Variants in NCAPG2 observed in about 807,000 individuals in gnomAD.
The protein encoded by NCAPG2 is condensin-2 complex subunit G2.
Under a neutral mutation model 141.1 loss-of-function variants are expected in NCAPG2, and 53 were observed. The observed-to-expected ratio is 0.38, with a 90% CI of 0.30 to 0.47. NCAPG2 has a LOEUF of 0.47. Ranked by LOEUF, NCAPG2 falls within the 20% of genes least tolerant of loss-of-function variation. The pLI is 0.99. For missense variants in NCAPG2, 1,087 were observed against 1,389.0 expected (o/e 0.78, Z 3.46); for synonymous variants, 499 against 490.7 (o/e 1.02, Z -0.22).
intron 8 of NCAPG2, among the ~76,000 whole-genome samples, chr7:158,684,945 A>G (rs1834665713): frequency 6.6e-6 from 1 of 152,242 alleles, no homozygotes; most frequent in Non-Finnish European, 1.5e-5. Context: ...AAGTAAACCC[A>G]GACATGGGGC....
chr7:158,687,575 GA>G, intron 6 of NCAPG2, 133 bp from the exon 7 acceptor site: 1 of 654,716 alleles, frequency 1.5e-6, no homozygotes, highest in East Asian at 2.9e-5. Context: ...TTATCACTGA[GA>G]GCACATGCAC....
chr7:158,631,281 G>A lies in NCAPG2; in HGVS notation c.*385C>T, dbSNP rs1829882186. 3 of 209,924 alleles carry A rather than the reference G, an allele frequency of 1.4e-5. No homozygotes were observed. The highest frequency in any genetic ancestry group is 8.3e-5 in the South Asian group (1 of 11,998). The allele number at this position is 209,924 out of a possible 1,614,324, so 13.0% of individuals were successfully genotyped here. A position where few individuals can be genotyped will look rare whatever the true frequency, so the allele number is the denominator to read the frequency against. Reference sequence around the variant, plus strand: ...GATTACAGGCGTGTGCCACTGCGCCGGGCCCCTAATACTTTCAAATAAACA... The same window carrying A: ...GATTACAGGCGTGTGCCACTGCGCCAGGCCCCTAATACTTTCAAATAAACA... On this transcript the variant is annotated 3_prime_UTR_variant, in exon 28 of 28. Coordinates refer to ENST00000356309, the MANE Select transcript of NCAPG2 (RefSeq NM_017760.7).
chr7:158,664,471 G>C, intron 14 of NCAPG2, 57 bp downstream of exon 14: 1 of 1,571,402 alleles, frequency 6.4e-7, no homozygotes, highest in South Asian at 1.1e-5. Context: ...TCTGTAATTT[G>C]TATTATGCTT....
At chr7:158,658,207 G>A (rs1832168801) in intron 17 of NCAPG2, 131 bp downstream of exon 17, 4 of 681,436 alleles carry the variant, frequency 5.9e-6, no homozygotes. Context: ...CAGGGAGAGG[G>A]AAGGGCAGAA....
At chr7:158,672,328 A>T (rs13232880) in intron 12 of NCAPG2, among the ~76,000 whole-genome samples, 345 of 32,232 alleles carry the variant, frequency 0.011, 7 homozygotes, top group African/African-American at 0.013. Context: ...ATATATATAT[A>T]TTTTTTTTTT....
intron 8 of NCAPG2, among the ~76,000 whole-genome samples, chr7:158,684,375 T>A (rs911026545): frequency 1.3e-5 from 2 of 152,256 alleles, no homozygotes; most frequent in African/African-American, 4.8e-5. Flanking sequence ...TGCTCTAGAA[T>A]AAGCGATTTT....
At chr7:158,681,208 T>C (rs4909259) in intron 9 of NCAPG2, among the ~76,000 whole-genome samples, 137,093 of 152,264 alleles carry the variant, frequency 0.9, 61,789 homozygotes, top group Admixed American at 0.94. Flanking sequence ...TTCCAAAACA[T>C]TAACTAACCT....
At chr7:158,654,061 C>A (rs780561779) in intron 22 of NCAPG2, among the ~76,000 whole-genome samples, 1 of 152,084 alleles carries the variant, frequency 6.6e-6, no homozygotes, top group African/African-American at 2.4e-5. Context: ...TATGGAATGA[C>A]CCCAGCTGCA....
intron 12 of NCAPG2, among the ~76,000 whole-genome samples, chr7:158,674,555 G>A (rs1309935399): frequency 6.6e-6 from 1 of 152,208 alleles, no homozygotes; most frequent in African/African-American, 2.4e-5. Flanking sequence ...CTCCCAAAGT[G>A]CTGGGATTAC....
At position 158,658,322 on chromosome 7, in the gene NCAPG2, A is replaced by G; in HGVS notation, c.2060+16T>C. ...GATTCCTACTTTTCTACCGTACCAA[A>G]AAACAGAGCAAATACCTGAATGGGG... On this transcript the variant is annotated intron_variant, in intron 17 of 27. Coordinates refer to ENST00000356309, the MANE Select transcript of NCAPG2 (RefSeq NM_017760.7). The G allele has an allele frequency of 6.3e-7, 1 of 1,599,578 alleles. No homozygotes were observed. The highest frequency in any genetic ancestry group is 1.7e-5 in the Admixed American group (1 of 57,170).
rs571040064 is a variant in NCAPG2 at position 158,647,446 on chromosome 7, T to C, written c.3076-883A>G. 1.6e-3 allele frequency among the ~76,000 whole-genome samples: 244 copies of C among 152,374 alleles called. 1 individual carries two copies. Among genetic ancestry groups the C allele is most frequent in the African/African-American group, 5.6e-3 (234 of 41,588 alleles). ...GCAAGTTTAGAGCCACGAGGGCACC[T>C]GCCTGGACCTGTGCTCTTAATTATC... On this transcript the variant is annotated intron_variant, in intron 24 of 27. Coordinates refer to ENST00000356309, the MANE Select transcript of NCAPG2 (RefSeq NM_017760.7).
At chr7:158,644,959 T>C (rs150205097) in intron 26 of NCAPG2, among the ~76,000 whole-genome samples, 21 of 152,334 alleles carry the variant, frequency 1.4e-4, no homozygotes, top group African/African-American at 5.1e-4. Context: ...TTAGTAAAAC[T>C]GAGCAAATAA....
chr7:158,642,705 C>T (rs1032128334), intron 27 of NCAPG2, among the ~76,000 whole-genome samples: 5 of 151,960 alleles, frequency 3.3e-5, no homozygotes, highest in African/African-American at 4.8e-5. Flanking sequence ...CTTCCACCTT[C>T]GGAAAACAGA....
chr7:158,657,613 G>A (rs1440563525), intron 17 of NCAPG2, among the ~76,000 whole-genome samples: 1 of 152,208 alleles, frequency 6.6e-6, no homozygotes, highest in Non-Finnish European at 1.5e-5. Context: ...TGGGAAGTGA[G>A]GAGCCCCTCT....
chr7:158,646,426 G>T, intron 25 of NCAPG2, 34 bp downstream of exon 25: 1 of 1,509,852 alleles, frequency 6.6e-7, no homozygotes, highest in Non-Finnish European at 9.1e-7. Flanking sequence ...CAGCCACGAT[G>T]AGCATTTCAG....
intron 1 of NCAPG2, among the ~76,000 whole-genome samples, chr7:158,702,964 A>G (rs972202850): frequency 6.6e-6 from 1 of 152,236 alleles, no homozygotes; most frequent in Non-Finnish European, 1.5e-5. Context: ...TTATAATGCC[A>G]TATTTTTACT....
At chr7:158,657,714 G>A (rs904536452) in intron 17 of NCAPG2, among the ~76,000 whole-genome samples, 2 of 152,164 alleles carry the variant, frequency 1.3e-5, no homozygotes, top group African/African-American at 4.8e-5. Flanking sequence ...ATGGAGAGGC[G>A]GGAAAGGTGG....
chr7:158,672,629 T>C (rs964884394), intron 12 of NCAPG2, among the ~76,000 whole-genome samples: 2 of 152,068 alleles, frequency 1.3e-5, no homozygotes, highest in East Asian at 3.9e-4. Flanking sequence ...GCGTGAGCCA[T>C]CATGCCTGGC....
At position 158,667,493 on chromosome 7, in the gene NCAPG2, G is replaced by T. The variant is rs78027591; in HGVS notation, c.1480-2743C>A. Among the ~76,000 whole-genome samples, 332 of 37,334 alleles carry T rather than the reference G, an allele frequency of 8.9e-3. 11 individuals carry two copies. Among genetic ancestry groups the T allele is most frequent in the African/African-American group, 0.019 (200 of 10,592 alleles). 24.5% of individuals were successfully genotyped at this position (37,334 alleles called of 152,430 possible). On this transcript the variant is annotated intron_variant, in intron 13 of 27. Coordinates refer to ENST00000356309, the MANE Select transcript of NCAPG2 (RefSeq NM_017760.7). ...TACCCACTACTGGGTCCCTCCGCCCGCCTTACCCACTACTGGGTCCCTCCG... is the reference window on the plus strand; with the variant it reads ...TACCCACTACTGGGTCCCTCCGCCCTCCTTACCCACTACTGGGTCCCTCCG...
Sources: allele counts gnomAD v4.1 joint callset (sites outside exome capture counted in the v4.1 genomes callset), GRCh38; gene constraint gnomAD v4.1.1; transcripts MANE v1.5; gene names NCBI Gene and HGNC (gene_info 2026-07-23, HGNC 2026-07-21).